MAMLD1: variants seen among roughly 807,000 people sequenced by gnomAD.
MAMLD1 encodes mastermind like domain containing 1.
MAMLD1 carries 14 observed loss-of-function variants against 45.0 expected under a neutral mutation model. The ratio of observed to expected loss-of-function variants is 0.31; its 90% CI spans 0.21 to 0.49. The LOEUF is 0.49. Ranked by LOEUF, MAMLD1 falls within the 20% of genes least tolerant of loss-of-function variation. MAMLD1 has a pLI of 0.99. For missense variants in MAMLD1, 543 were observed against 603.6 expected (o/e 0.90, Z 1.05); for synonymous variants, 254 against 247.8 (o/e 1.02, Z -0.24).
intron 1 of MAMLD1, among the ~76,000 whole-genome samples, chrX:150,364,511 C>A (rs782740426): frequency 4.4e-5 from 5 of 112,761 alleles, no homozygotes; most frequent in Non-Finnish European, 9.4e-5. Flanking sequence ...TGCGGCTGAC[C>A]TGGGCACCCG....
chrX:150,398,328 AGAAGAAGAAGAAGAGGAAGAGGAAGAG>A (rs2033578275), intron 1 of MAMLD1, among the ~76,000 whole-genome samples: 6 of 82,876 alleles, frequency 7.2e-5, no homozygotes, highest in African/African-American at 2.7e-4. Context: ...AAGAAGAAGA[AGAAGAAGAAGAAGAGGAAGAGGAAGAG>A]GAAGAGGAAG....
chrX:150,440,510 A>G (rs1039676062), intron 1 of MAMLD1, among the ~76,000 whole-genome samples: 1 of 110,855 alleles, frequency 9.0e-6, no homozygotes, highest in Non-Finnish European at 1.9e-5. Flanking sequence ...CAGATTTTTA[A>G]ATTATGAATT....
At chrX:150,417,532 G>C (rs2034304118) in intron 1 of MAMLD1, among the ~76,000 whole-genome samples, 1 of 110,241 alleles carries the variant, frequency 9.1e-6, no homozygotes, top group African/African-American at 3.4e-5. Flanking sequence ...CCCAGTAATG[G>C]GATGGCTGGG....
intron 1 of MAMLD1, among the ~76,000 whole-genome samples, chrX:150,422,500 C>G (rs991583826): frequency 5.4e-5 from 6 of 112,010 alleles, no homozygotes; most frequent in Non-Finnish European, 9.4e-5. Flanking sequence ...CCTCCACCTC[C>G]CGGGGTTCAA....
At chrX:150,436,871 G>A (rs2035136781) in intron 1 of MAMLD1, among the ~76,000 whole-genome samples, 1 of 110,552 alleles carries the variant, frequency 9.0e-6, no homozygotes, top group Non-Finnish European at 1.9e-5. Flanking sequence ...AATTCTTTCA[G>A]TCTTTGAAGT....
chrX:150,494,188 G>T (rs1557408101), intron 5 of MAMLD1, among the ~76,000 whole-genome samples: 1 of 110,666 alleles, frequency 9.0e-6, no homozygotes. Flanking sequence ...GAGATCAGAA[G>T]TTCGAGACCA....
upstream of MAMLD1, among the ~76,000 whole-genome samples, chrX:150,362,519 G>A (rs1305079325): frequency 1.0e-4 from 11 of 107,938 alleles, no homozygotes; most frequent in African/African-American, 3.7e-4. Context: ...GCCTCTCTCG[G>A]TATCTGTCTC....
intron 4 of MAMLD1, among the ~76,000 whole-genome samples, chrX:150,472,511 G>T: frequency 8.9e-6 from 1 of 112,333 alleles, no homozygotes. Context: ...GTTCCTTGCA[G>T]GTTGTTGGAC....
chrX:150,407,822 A>G (rs782019610), intron 1 of MAMLD1, among the ~76,000 whole-genome samples: 11 of 112,299 alleles, frequency 9.8e-5, no homozygotes, highest in Non-Finnish European at 1.7e-4. Flanking sequence ...ACATTCTGGC[A>G]CTCTGTTAGC....
At chrX:150,451,637 A>G (rs1428624294) in intron 2 of MAMLD1, among the ~76,000 whole-genome samples, 2 of 111,386 alleles carry the variant, frequency 1.8e-5, no homozygotes, top group Non-Finnish European at 3.8e-5. Context: ...TCCGCAGTTG[A>G]TATAGAATAA....
intron 1 of MAMLD1, among the ~76,000 whole-genome samples, chrX:150,365,565 C>G (rs2031368762): frequency 8.8e-6 from 1 of 113,230 alleles, no homozygotes; most frequent in African/African-American, 3.2e-5. Context: ...CCCTCGCCGC[C>G]GGAGCTCAGG....
At chrX:150,423,163 C>T (rs1557403628) in intron 1 of MAMLD1, among the ~76,000 whole-genome samples, 3 of 111,983 alleles carry the variant, frequency 2.7e-5, no homozygotes, top group Non-Finnish European at 1.9e-5. Flanking sequence ...CACCTGGGCC[C>T]AAGTGTAACA....
At chrX:150,455,780 CTTT>C (rs200212837) in intron 2 of MAMLD1, among the ~76,000 whole-genome samples, 43 of 72,703 alleles carry the variant, frequency 5.9e-4, no homozygotes, top group South Asian at 4.9e-3. Context: ...TCTTCTTCTT[CTTT>C]TTTTTTTTTT....
chrX:150,488,770 C>T (rs1557407777), intron 5 of MAMLD1, among the ~76,000 whole-genome samples: 1 of 112,958 alleles, frequency 8.9e-6, no homozygotes, highest in African/African-American at 3.2e-5. Flanking sequence ...GTTTTTCTTC[C>T]CAGAGCTGGC....
At chrX:150,511,754 C>T (rs2037905027) in intron 7 of MAMLD1, among the ~76,000 whole-genome samples, 2 of 112,252 alleles carry the variant, frequency 1.8e-5, no homozygotes, top group East Asian at 5.6e-4. Flanking sequence ...CATTTCAGTC[C>T]AGTGTGATCT....
intron 5 of MAMLD1, among the ~76,000 whole-genome samples, chrX:150,481,953 G>GAAA (rs1569564959): frequency 5.7e-5 from 5 of 87,420 alleles, no homozygotes; most frequent in African/African-American, 1.8e-4. Context: ...AAAAAAGAAA[G>GAAA]AAAGAAAGAA....
intron 2 of MAMLD1, among the ~76,000 whole-genome samples, chrX:150,451,270 GT>G (rs2035655476): frequency 8.9e-6 from 1 of 112,397 alleles, no homozygotes; most frequent in Admixed American, 9.4e-5. Flanking sequence ...CTTTCCCACA[GT>G]TTCCTTGACA....
At chrX:150,464,979 C>T (rs1057017808) in intron 3 of MAMLD1, among the ~76,000 whole-genome samples, 6 of 112,330 alleles carry the variant, frequency 5.3e-5, no homozygotes, top group African/African-American at 1.6e-4. Context: ...AAACCACAGG[C>T]GATTTTCACC....
chrX:150,413,019 C>T (rs524400), intron 1 of MAMLD1, among the ~76,000 whole-genome samples: 48,136 of 110,254 alleles, frequency 0.44, 8,294 homozygotes, highest in East Asian at 0.77. Flanking sequence ...GACCACTGTG[C>T]CTGGCCTGCT....
Sources: allele counts gnomAD v4.1 joint callset (sites outside exome capture counted in the v4.1 genomes callset), GRCh38; gene constraint gnomAD v4.1.1; transcripts MANE v1.5; gene names NCBI Gene and HGNC (gene_info 2026-07-23, HGNC 2026-07-21).